AKAP9: variants seen among roughly 807,000 people sequenced by gnomAD.
The protein encoded by AKAP9 is A-kinase anchor protein 9.
AKAP9 carries 311 observed loss-of-function variants against 488.5 expected under a neutral mutation model. That is an observed-to-expected ratio of 0.64 (90% CI 0.58 to 0.70). The LOEUF is 0.70. Among genes scored for constraint, AKAP9 ranks in the 30% least tolerant of loss-of-function variants. The pLI, the probability that AKAP9 is intolerant of heterozygous loss-of-function variation, is 0.00. For synonymous variants in AKAP9, 1,462 were observed against 1,483.5 expected (o/e 0.99, Z 0.33); for missense variants, 4,215 against 4,374.5 (o/e 0.96, Z 1.03).
intron 8 of AKAP9, among the ~76,000 whole-genome samples, chr7:92,012,063 T>G (rs1289264709): frequency 1.3e-5 from 2 of 152,226 alleles, no homozygotes; most frequent in African/African-American, 2.4e-5. Context: ...ATTGCACCAC[T>G]GTACTCCAGC....
chr7:91,990,221 G>A (rs1045608262), intron 3 of AKAP9, among the ~76,000 whole-genome samples: 2 of 152,000 alleles, frequency 1.3e-5, no homozygotes, highest in Admixed American at 6.5e-5. Context: ...CATGTTTCAA[G>A]TCATTTATTT....
chr7:91,988,454 G>A (rs1040019022), intron 3 of AKAP9, among the ~76,000 whole-genome samples: 3 of 152,114 alleles, frequency 2.0e-5, no homozygotes, highest in Admixed American at 1.3e-4. Context: ...CTGTGTGACA[G>A]AGTGAGACCT....
chr7:92,020,962 A>G (rs1477979320), intron 12 of AKAP9, among the ~76,000 whole-genome samples: 3 of 152,204 alleles, frequency 2.0e-5, no homozygotes, highest in Non-Finnish European at 2.9e-5. Flanking sequence ...TTGCAAGTCC[A>G]TAGTCTTTCC....
chr7:91,946,413 C>T (rs1314242687), intron 1 of AKAP9, among the ~76,000 whole-genome samples: 2 of 145,188 alleles, frequency 1.4e-5, no homozygotes, highest in African/African-American at 2.6e-5. Flanking sequence ...TTTTTTGAGA[C>T]GAGATCTCGC....
intron 28 of AKAP9, among the ~76,000 whole-genome samples, chr7:92,075,130 ATT>A (rs1812368477): frequency 6.6e-6 from 1 of 152,134 alleles, no homozygotes; most frequent in Admixed American, 6.5e-5. Context: ...GTGACATGGC[ATT>A]TTGCACACCC....
intron 1 of AKAP9, among the ~76,000 whole-genome samples, chr7:91,966,945 C>A (rs1295794750): frequency 6.6e-6 from 1 of 152,076 alleles, no homozygotes; most frequent in Non-Finnish European, 1.5e-5. Flanking sequence ...TTCTTCTAAT[C>A]CACAAACATG....
intron 22 of AKAP9, among the ~76,000 whole-genome samples, chr7:92,053,905 C>G (rs1808373318): frequency 6.6e-6 from 1 of 152,098 alleles, no homozygotes; most frequent in South Asian, 2.1e-4. Flanking sequence ...CTGATTCACA[C>G]TAAAGTTTGA....
At chr7:91,971,560 C>CTTTTTTTTTTTTTT (rs71107844) in intron 1 of AKAP9, among the ~76,000 whole-genome samples, 2 of 68,558 alleles carry the variant, frequency 2.9e-5, no homozygotes, top group Non-Finnish European at 2.6e-5. Context: ...ACATCTATTT[C>CTTTTTTTTTTTTTT]TTTTTTTTTT....
chr7:92,079,083 T>C lies in AKAP9; in HGVS notation c.6950T>C (p.Ile2317Thr), dbSNP rs1037437493. 3 of 1,595,618 alleles carry C rather than the reference T, an allele frequency of 1.9e-6. No individual in the cohort carries two copies. In the African/African-American group the frequency reaches 4.1e-5, roughly 22 times the overall value. Reference sequence around the variant, plus strand: ...ACCTTTTTCATTAATTATTAGGTTATTGAAGAAAAAAATGAACTGATAAGG... The same window carrying C: ...ACCTTTTTCATTAATTATTAGGTTACTGAAGAAAAAAATGAACTGATAAGG... ...QLKITTDNKV[I>T]EEKNELIRDL... The change falls in exon 31 of 50, where the codon ATT (isoleucine) becomes ACT (threonine). Residue 2317 changes from isoleucine (I) to threonine (T), a missense_variant. Physicochemically the swap from Ile to Thr is moderately conservative, Grantham distance 89 (BLOSUM62 -1). Around this residue, in one of 5 missense-constraint regions of AKAP9, gnomAD observed 1,476 missense variants for 1,477.4 expected, o/e 1.00. Transcript: ENST00000356239.
intron 12 of AKAP9, among the ~76,000 whole-genome samples, chr7:92,021,771 A>C (rs1468158611): frequency 1.3e-5 from 2 of 151,928 alleles, no homozygotes; most frequent in Non-Finnish European, 2.9e-5. Flanking sequence ...TATTTTCATT[A>C]TTTTCTTTTC....
At chr7:91,982,541 A>G (rs1287919678) in intron 3 of AKAP9, among the ~76,000 whole-genome samples, 1 of 152,148 alleles carries the variant, frequency 6.6e-6, no homozygotes, top group East Asian at 1.9e-4. Flanking sequence ...TTATGGCTGC[A>G]TAGTATTCCA....
In AKAP9 at chr7:92,107,402, C is replaced by A. The variant is rs1391904619; in HGVS notation, c.11526C>A (p.Ser3842=). The A allele has an allele frequency of 1.9e-5, 30 of 1,613,448 alleles. No homozygotes were observed. Among genetic ancestry groups the A allele is most frequent in the Non-Finnish European group, 1.9e-5 (23 of 1,179,836 alleles). Residue 3842 remains serine (S), a synonymous_variant, in exon 48 of 50, where the codon TCC becomes TCA. Coordinates refer to ENST00000356239, the MANE Select transcript of AKAP9 (RefSeq NM_005751.5). ...RSRSDLDYIR[S]PLPFQNRYPG... ...GATCAGATCTGGACTATATTAGGTC[C>A]CCTTTACCATTTCAGAATAGGTAAG...
At chr7:92,106,057 C>G (rs1818466604) in intron 47 of AKAP9, among the ~76,000 whole-genome samples, 1 of 152,220 alleles carries the variant, frequency 6.6e-6, no homozygotes, top group East Asian at 1.9e-4. Flanking sequence ...CAGTTTCATC[C>G]AGAAACCATT....
intron 1 of AKAP9, among the ~76,000 whole-genome samples, chr7:91,963,537 A>G (rs1478120998): frequency 1.4e-5 from 2 of 139,946 alleles, no homozygotes. Flanking sequence ...CATATTTTTG[A>G]GACGGAGTCT....
At position 92,089,608 on chromosome 7, in the gene AKAP9, A is replaced by C. The variant is rs748528450; in HGVS notation, c.9358+79A>C. 3.5e-6 allele frequency: 5 copies of C among 1,422,080 alleles called. No individual in the cohort carries two copies. The Admixed American group carries it at 9.3e-5, about 26-fold the overall frequency. The allele number at this position is 1,422,080 out of a possible 1,614,324, so 88.1% of individuals were successfully genotyped here. A position where few individuals can be genotyped will look rare whatever the true frequency, so the allele number is the denominator to read the frequency against. ...TTTGTTTTCTTTCTTATTATTATTA[A>C]GTTAAAACATATTTTCTTGGTCACA... On this transcript the variant is annotated intron_variant, in intron 38 of 49. Transcript: ENST00000356239.
intron 12 of AKAP9, among the ~76,000 whole-genome samples, 196 bp from the exon 13 acceptor site, chr7:92,022,042 A>G (rs1161841415): frequency 6.6e-6 from 1 of 152,224 alleles, no homozygotes; most frequent in Non-Finnish European, 1.5e-5. Flanking sequence ...TTTCAGTGCT[A>G]TGAAAGGTAT....
intron 13 of AKAP9, 70 bp from the exon 14 acceptor site, chr7:92,022,744 C>A: frequency 2.0e-6 from 2 of 994,682 alleles, no homozygotes; most frequent in Non-Finnish European, 3.1e-6. Context: ...TTTCTGTACA[C>A]AGTGATTGTG....
intron 12 of AKAP9, among the ~76,000 whole-genome samples, chr7:92,021,146 A>G (rs1371848845): frequency 1.3e-5 from 2 of 152,202 alleles, no homozygotes; most frequent in Non-Finnish European, 2.9e-5. Flanking sequence ...AATCATTACC[A>G]GAAATATATG....
In AKAP9 at chr7:92,093,432, G is replaced by T. The variant is rs1191592275; in HGVS notation, c.9578+116G>T. 1.9e-5 allele frequency: 17 copies of T among 882,106 alleles called. No homozygotes were observed. In the Admixed American group the frequency reaches 2.4e-4, roughly 13 times the overall value. The allele number at this position is 882,106 out of a possible 1,614,324, so 54.6% of individuals were successfully genotyped here. Reference sequence around the variant, plus strand: ...CATGATATTTAAATAGCATGCAACTGTTTTTTTTAGGAAAAACTATAATAG... The same window carrying T: ...CATGATATTTAAATAGCATGCAACTTTTTTTTTTAGGAAAAACTATAATAG... On this transcript the variant is annotated intron_variant, in intron 39 of 49. Transcript: ENST00000356239.
Sources: allele counts gnomAD v4.1 joint callset (sites outside exome capture counted in the v4.1 genomes callset), GRCh38; gene constraint gnomAD v4.1.1; regional missense constraint gnomAD v4.1.1; transcripts MANE v1.5; gene names NCBI Gene and HGNC (gene_info 2026-07-23, HGNC 2026-07-21).